The following ERO1A variants were observed in gnomAD, a reference collection of about 807,000 sequenced individuals.
ERO1A encodes the protein endoplasmic reticulum oxidoreductase 1 alpha.
A neutral mutation model predicts 76.9 loss-of-function variants in ERO1A; 49 were observed. That is an observed-to-expected ratio of 0.64 (90% CI 0.51 to 0.81). The LOEUF is 0.81. Ranked by LOEUF, ERO1A falls within the 30% of genes least tolerant of loss-of-function variation. The pLI is 0.00. For missense variants in ERO1A, 448 were observed against 542.1 expected, an observed-to-expected ratio of 0.83 and a Z score of 1.72; for synonymous variants, 174 against 181.2, an observed-to-expected ratio of 0.96 and a Z score of 0.32.
intron 13 of ERO1A, among the ~76,000 whole-genome samples, chr14:52,650,169 T>C (rs2039808312): frequency 1.3e-5 from 2 of 152,044 alleles, no homozygotes; most frequent in South Asian, 4.1e-4. Flanking sequence ...CAGTGAGCTA[T>C]GATTATGCCT....
At chr14:52,675,641 C>T (rs1345737988) in intron 4 of ERO1A, among the ~76,000 whole-genome samples, 1 of 151,864 alleles carries the variant, frequency 6.6e-6, no homozygotes, top group African/African-American at 2.4e-5. Context: ...TTGCTAAATC[C>T]CCTTTTTTTT....
At chr14:52,650,761 G>A (rs967025460) in intron 13 of ERO1A, among the ~76,000 whole-genome samples, 11 of 152,200 alleles carry the variant, frequency 7.2e-5, no homozygotes, top group Admixed American at 2.0e-4. Context: ...ACAAAAAATC[G>A]TGCTGTGCAC....
chr14:52,646,334 C>T, intron 14 of ERO1A, 41 bp downstream of exon 14: 1 of 1,602,168 alleles, frequency 6.2e-7, no homozygotes, highest in Non-Finnish European at 8.5e-7. Flanking sequence ...ATTATTCATG[C>T]AAAGGGTAAA....
chr14:52,690,708 A>T (rs1309197009), intron 1 of ERO1A, among the ~76,000 whole-genome samples: 1 of 152,204 alleles, frequency 6.6e-6, no homozygotes, highest in African/African-American at 2.4e-5. Flanking sequence ...CTCAAAAGAA[A>T]AAAAAAGGAT....
At chr14:52,675,643 C>CT (rs1036619437) in intron 4 of ERO1A, among the ~76,000 whole-genome samples, 36 of 150,936 alleles carry the variant, frequency 2.4e-4, no homozygotes, top group East Asian at 7.7e-4. Flanking sequence ...GCTAAATCCC[C>CT]TTTTTTTTTG....
chr14:52,656,724 A>C (rs913647640), intron 11 of ERO1A, among the ~76,000 whole-genome samples: 1 of 151,910 alleles, frequency 6.6e-6, no homozygotes, highest in Admixed American at 6.6e-5. Flanking sequence ...AAAAAAAAAA[A>C]AAAAAACAGT....
Position 52,677,368 on chromosome 14 carries a change from A to G in ERO1A, c.357+1066T>C, listed in dbSNP as rs552505716. Among the ~76,000 whole-genome samples, 379 of 152,250 alleles carry G rather than the reference A, an allele frequency of 2.5e-3. 2 individuals are homozygous for G. Among genetic ancestry groups the G allele is most frequent in the Non-Finnish European group, 3.6e-3 (245 of 68,020 alleles). On this transcript the variant is annotated intron_variant, in intron 4 of 15. Coordinates refer to ENST00000395686, the MANE Select transcript of ERO1A (RefSeq NM_014584.3). Reference sequence around the variant, plus strand: ...CTATATATATAATATATATCAAAAAAATGAATCTGAATCTGATAAATCCCC... The same window carrying G: ...CTATATATATAATATATATCAAAAAGATGAATCTGAATCTGATAAATCCCC...
Position 52,643,398 on chromosome 14 carries a change from C to CTT in ERO1A, c.*170_*171dup, listed in dbSNP as rs2039539109. ...TACTCACAGTAGTATTATACATAGA[C>CTT]TTAACACAATTTTTAAAAATGTGTT... On this transcript the variant is annotated 3_prime_UTR_variant, in exon 16 of 16. Transcript: ENST00000395686. The CTT allele has an allele frequency of 2.1e-6, 1 of 480,906 alleles. No individual in the cohort carries two copies. Among genetic ancestry groups the CTT allele is most frequent in the Non-Finnish European group, 3.6e-6 (1 of 274,152 alleles). 29.8% of individuals were successfully genotyped at this position (480,906 alleles called of 1,614,324 possible). A position where few individuals can be genotyped will look rare whatever the true frequency, so the allele number is the denominator to read the frequency against.
intron 1 of ERO1A, among the ~76,000 whole-genome samples, chr14:52,693,002 CTTTTTT>C (rs559143853): frequency 1.2e-4 from 10 of 85,710 alleles, no homozygotes; most frequent in African/African-American, 2.3e-4. Flanking sequence ...AAATAGACAA[CTTTTTT>C]TTTTTTTTTT....
chr14:52,694,637 CTG>C (rs1422468909), intron 1 of ERO1A, among the ~76,000 whole-genome samples: 2 of 151,894 alleles, frequency 1.3e-5, no homozygotes, highest in African/African-American at 2.4e-5. Flanking sequence ...TAATGGAAAA[CTG>C]TAAGTTTCTC....
At chr14:52,652,375 C>A in intron 12 of ERO1A, 67 bp from the exon 13 acceptor site, 1 of 1,027,996 alleles carries the variant, frequency 9.7e-7, no homozygotes, top group Non-Finnish European at 1.5e-6. Context: ...GCTAATACAA[C>A]ATTTTACTGG....
At chr14:52,682,579 A>G (rs185137173) in intron 2 of ERO1A, among the ~76,000 whole-genome samples, 171 bp from the exon 3 acceptor site, 1 of 152,306 alleles carries the variant, frequency 6.6e-6, no homozygotes, top group Admixed American at 6.5e-5. Flanking sequence ...AGGCTGGTAT[A>G]AGTAAATTGG....
Position 52,653,153 on chromosome 14 carries a change from C to T in ERO1A, c.971G>A (p.Arg324His), listed in dbSNP as rs370745677. 9.9e-6 allele frequency: 16 copies of T among 1,612,662 alleles called. No individual in the cohort carries two copies. Among genetic ancestry groups the T allele is most frequent in the East Asian group, 2.2e-5 (1 of 44,796 alleles). ...ALSKVLPFFE[R>H]PDFQLFTGNK... is the part of the protein sequence containing the mutation. ...TCCAGTAAAGAGTTGAAAATCTGGG[C>T]GCTCGAAGAATGGTAACACTTTGGA... The change falls in exon 12 of 16, where the codon CGC (arginine) becomes CAC (histidine). Residue 324 changes from arginine to histidine, a missense_variant. By Grantham distance (29) the Arg-to-His change is conservative. This residue lies in a region of ERO1A where 302 missense variants were observed against 411.9 expected (regional missense o/e 0.73). Coordinates refer to ENST00000395686, the MANE Select transcript of ERO1A (RefSeq NM_014584.3).
At chr14:52,671,188 G>T (rs2040584988) in intron 6 of ERO1A, among the ~76,000 whole-genome samples, 1 of 152,058 alleles carries the variant, frequency 6.6e-6, no homozygotes, top group Non-Finnish European at 1.5e-5. Flanking sequence ...CCTTTTTCTG[G>T]CTGAATAGTA....
intron 4 of ERO1A, 122 bp from the exon 5 acceptor site, chr14:52,671,993 T>C: frequency 4.0e-6 from 3 of 747,416 alleles, no homozygotes; most frequent in Non-Finnish European, 6.4e-6. Flanking sequence ...TCTTATTGCT[T>C]TTAATTTTTC....
intron 12 of ERO1A, among the ~76,000 whole-genome samples, 175 bp downstream of exon 12, chr14:52,652,894 C>G (rs961447024): frequency 1.3e-5 from 2 of 151,852 alleles, no homozygotes; most frequent in Admixed American, 1.3e-4. Flanking sequence ...GCTTCTTGGG[C>G]TGAGATGGGA....
chr14:52,668,271 C>T (rs1437385648), intron 6 of ERO1A, among the ~76,000 whole-genome samples: 1 of 152,138 alleles, frequency 6.6e-6, no homozygotes, highest in Admixed American at 6.5e-5. Flanking sequence ...GCAGGCCAGG[C>T]ATGGTGGCTC....
chr14:52,663,865 TA>T lies in ERO1A; in HGVS notation c.630-19del. 6.9e-7 allele frequency: 1 copy of T among 1,452,478 alleles called. No homozygotes were observed. The highest frequency in any genetic ancestry group is 9.6e-7 in the Non-Finnish European group (1 of 1,044,282). The allele number at this position is 1,452,478 out of a possible 1,614,324, so 90.0% of individuals were successfully genotyped here. On this transcript the variant is annotated intron_variant, in intron 7 of 15. Coordinates refer to ENST00000395686, the MANE Select transcript of ERO1A (RefSeq NM_014584.3). ...TCTGTGGCCTAGAAGTAAAAAGAAT[TA>T]AAAATATCAACACAAATATGTTACC...
chr14:52,650,492 A>T (rs2039820305), intron 13 of ERO1A, among the ~76,000 whole-genome samples: 1 of 103,670 alleles, frequency 9.6e-6, no homozygotes, highest in South Asian at 3.2e-4. Context: ...AACCTACTTA[A>T]AAAAAAAAAA....
Sources: gnomAD v4.1 joint callset for allele counts (sites outside exome capture counted in the v4.1 genomes callset) on GRCh38, gnomAD v4.1.1 for gene constraint, gnomAD v4.1.1 regional missense constraint, MANE v1.5 for transcripts, NCBI Gene and HGNC (gene_info 2026-07-23, HGNC 2026-07-21) for gene names.